UBAC1: variants seen among roughly 807,000 people sequenced by gnomAD.
UBAC1 encodes UBA domain containing 1.
In UBAC1, 27 loss-of-function variants were observed where a neutral mutation model predicts 45.9. That is an observed-to-expected ratio of 0.59 (90% confidence interval 0.43 to 0.81). The LOEUF (loss-of-function observed/expected upper bound fraction) is 0.81, where lower values mean the gene tolerates loss of function less well. UBAC1 is among the 30% of genes least tolerant of loss of function. The pLI, the probability that UBAC1 is intolerant of heterozygous loss-of-function variation, is 0.00. For synonymous variants in UBAC1, 227 were observed against 215.5 expected, an observed-to-expected ratio of 1.05 and a Z score of -0.47; for missense variants, 529 against 539.2, an observed-to-expected ratio of 0.98 and a Z score of 0.19.
chr9:135,961,331 G>T lies in UBAC1; in HGVS notation c.-169C>A. On this transcript the variant is annotated 5_prime_UTR_variant, in exon 1 of 10. Transcript: ENST00000371756. ...GCCGTCACTCTCCGCGGCCTCAGCG[G>T]TCGCCTCGCTCCCGCCGCCGCAGCA... The T allele has an allele frequency of 7.6e-6, 3 of 396,892 alleles. No homozygotes were observed. The highest frequency in any genetic ancestry group is 1.0e-5 in the Non-Finnish European group (3 of 290,496). 24.6% of individuals were successfully genotyped at this position (396,892 alleles called of 1,614,324 possible).
chr9:135,935,001 C>A (rs1193066594), intron 9 of UBAC1, among the ~76,000 whole-genome samples: 1 of 152,092 alleles, frequency 6.6e-6, no homozygotes, highest in Non-Finnish European at 1.5e-5. Context: ...CACCTCAGTC[C>A]CCTGAGTAGC....
intron 4 of UBAC1, among the ~76,000 whole-genome samples, chr9:135,946,921 C>T (rs1284582119): frequency 6.6e-6 from 1 of 152,190 alleles, no homozygotes; most frequent in African/African-American, 2.4e-5. Context: ...AGCCTTGGTG[C>T]GGACACCACA....
chr9:135,955,144 G>C, intron 2 of UBAC1, 151 bp downstream of exon 2: 2 of 826,798 alleles, frequency 2.4e-6, no homozygotes, highest in Non-Finnish European at 3.4e-6. Context: ...TTTAATAAAG[G>C]AAAAACAGAA....
chr9:135,937,412 GC>G (rs1839213294), intron 9 of UBAC1, among the ~76,000 whole-genome samples: 1 of 138,786 alleles, frequency 7.2e-6, no homozygotes, highest in Non-Finnish European at 1.5e-5. Context: ...TTGCACTCCA[GC>G]CTGGGTGACA....
chr9:135,949,238 A>C (rs1839377412), intron 3 of UBAC1, among the ~76,000 whole-genome samples: 2 of 152,194 alleles, frequency 1.3e-5, no homozygotes, highest in Admixed American at 1.3e-4. Context: ...CAGATCAAAG[A>C]GGCTACAGAA....
chr9:135,944,897 G>A (rs1839308465), intron 7 of UBAC1, 131 bp downstream of exon 7: 1 of 924,970 alleles, frequency 1.1e-6, no homozygotes, highest in African/African-American at 1.7e-5. Context: ...CCCTTCCCCA[G>A]CTTCTCTCTC....
At chr9:135,956,507 G>C (rs1487902398) in intron 1 of UBAC1, among the ~76,000 whole-genome samples, 1 of 152,156 alleles carries the variant, frequency 6.6e-6, no homozygotes, top group Non-Finnish European at 1.5e-5. Context: ...GTGCCTGCAT[G>C]TTCGTGCCCA....
intron 8 of UBAC1, among the ~76,000 whole-genome samples, chr9:135,939,423 C>A (rs1420793871): frequency 1.3e-5 from 2 of 152,152 alleles, no homozygotes; most frequent in African/African-American, 4.8e-5. Context: ...AGTGAGGCTC[C>A]CAGCACTCGC....
At chr9:135,950,280 C>T (rs941367058) in intron 3 of UBAC1, among the ~76,000 whole-genome samples, 2 of 152,178 alleles carry the variant, frequency 1.3e-5, no homozygotes, top group Admixed American at 1.3e-4. Context: ...TAGGTGGCAA[C>T]GGAAAACTTG....
intron 9 of UBAC1, among the ~76,000 whole-genome samples, chr9:135,933,968 C>A (rs1349988489): frequency 6.6e-6 from 1 of 152,192 alleles, no homozygotes; most frequent in Non-Finnish European, 1.5e-5. Context: ...CTTCAAAAAA[C>A]CAGCACATTA....
At chr9:135,958,445 G>A (rs528236182) in intron 1 of UBAC1, among the ~76,000 whole-genome samples, 7 of 152,248 alleles carry the variant, frequency 4.6e-5, no homozygotes, top group Admixed American at 3.3e-4. Context: ...AGGCCACCAC[G>A]GTGATCCCAA....
At chr9:135,948,128 G>A (rs563912828) in intron 3 of UBAC1, 10 of 497,670 alleles carry the variant, frequency 2.0e-5, no homozygotes, top group East Asian at 1.0e-4. Context: ...AGAGTGAAGC[G>A]GTAGGTGAGG....
rs1339342057 is a variant in UBAC1, at chr9:135,933,250, A to G, written c.*150T>C. 1.4e-5 allele frequency: 9 copies of G among 631,858 alleles called. No individual in the cohort carries two copies. Among genetic ancestry groups the G allele is most frequent in the Middle Eastern group, 6.7e-4 (2 of 3,004 alleles). The allele number at this position is 631,858 out of a possible 1,614,324, so 39.1% of individuals were successfully genotyped here. ...CTACCGTCACCAAAGTTTATAAGCA[A>G]TAAGATCAGAGAGCAGGAGCAGCTG... On this transcript the variant is annotated 3_prime_UTR_variant, in exon 10 of 10. Transcript: ENST00000371756.
chr9:135,948,202 A>G (rs949049082), intron 3 of UBAC1, among the ~76,000 whole-genome samples: 1 of 152,246 alleles, frequency 6.6e-6, no homozygotes, highest in Non-Finnish European at 1.5e-5. Context: ...GGCTGGGGCA[A>G]GGGAGGCGAC....
chr9:135,956,889 T>C (rs573172622), intron 1 of UBAC1, among the ~76,000 whole-genome samples: 6 of 152,238 alleles, frequency 3.9e-5, no homozygotes, highest in South Asian at 2.1e-4. Flanking sequence ...CTAAACCCGG[T>C]AGCAGGCTCA....
In UBAC1 at chr9:135,938,219, T is replaced by C; in HGVS notation, c.1102+3A>G. 1.2e-6 allele frequency: 2 copies of C among 1,613,662 alleles called. No homozygotes were observed. Among genetic ancestry groups the C allele is most frequent in the Admixed American group, 1.7e-5 (1 of 59,934 alleles). On this transcript the variant is annotated splice_donor_region_variant and intron_variant, in intron 9 of 9. Coordinates refer to ENST00000371756, the MANE Select transcript of UBAC1 (RefSeq NM_016172.3). Reference sequence around the variant, plus strand: ...AGACTTAGCATAAAGAAGGCGCACATACCTAGCAATGTTTTCGGGTTGGTC... The same window carrying C: ...AGACTTAGCATAAAGAAGGCGCACACACCTAGCAATGTTTTCGGGTTGGTC...
In UBAC1 at chr9:135,947,337, C is replaced by T. The variant is rs549737666; in HGVS notation, c.441+461G>A. Reference sequence around the variant, plus strand: ...TGCAATCTCGGCTTACTGCAACCTCCGCCTCCCGGGTTCAAGTGATTCTCC... The same window carrying T: ...TGCAATCTCGGCTTACTGCAACCTCTGCCTCCCGGGTTCAAGTGATTCTCC... On this transcript the variant is annotated intron_variant, in intron 4 of 9. Coordinates refer to ENST00000371756, the MANE Select transcript of UBAC1 (RefSeq NM_016172.3). Among the ~76,000 whole-genome samples, 13 of 152,158 alleles carry T rather than the reference C, an allele frequency of 8.5e-5. No individual in the cohort carries two copies. In the East Asian group the frequency reaches 2.1e-3, roughly 25 times the overall value.
At chr9:135,940,821 T>C (rs544497447) in intron 7 of UBAC1, among the ~76,000 whole-genome samples, 25 of 152,196 alleles carry the variant, frequency 1.6e-4, no homozygotes, top group Admixed American at 5.2e-4. Context: ...TTCAAGGGCC[T>C]CTCCTAATCC....
At chr9:135,957,797 C>T (rs1839484493) in intron 1 of UBAC1, among the ~76,000 whole-genome samples, 1 of 139,312 alleles carries the variant, frequency 7.2e-6, no homozygotes, top group South Asian at 2.2e-4. Flanking sequence ...TTTTTAAAGA[C>T]AGGGTCTCAT....
Sources: gnomAD v4.1 joint callset for allele counts (sites outside exome capture counted in the v4.1 genomes callset) on GRCh38, gnomAD v4.1.1 for gene constraint, MANE v1.5 for transcripts, NCBI Gene and HGNC (gene_info 2026-07-23, HGNC 2026-07-21) for gene names.